Variants in EPM2A observed in about 807,000 individuals in gnomAD.
EPM2A encodes the protein EPM2A glucan phosphatase, laforin.
EPM2A carries 21 observed loss-of-function variants against 26.5 expected under a neutral mutation model. The ratio of observed to expected loss-of-function variants is 0.79; its 90% CI spans 0.56 to 1.14. The LOEUF (loss-of-function observed/expected upper bound fraction) is 1.14, where lower values mean the gene tolerates loss of function less well. EPM2A is among the 50% of genes most tolerant of loss of function. EPM2A has a pLI of 0.00. For missense variants in EPM2A, 458 were observed against 440.8 expected, an observed-to-expected ratio of 1.04 and a Z score of -0.35; for synonymous variants, 217 against 177.6, an observed-to-expected ratio of 1.22 and a Z score of -1.76.
intron 4 of EPM2A, among the ~76,000 whole-genome samples, chr6:145,453,738 A>G (rs1262337894): frequency 6.6e-6 from 1 of 152,212 alleles, no homozygotes; most frequent in Non-Finnish European, 1.5e-5. Flanking sequence ...ATATGGCTTC[A>G]TAATTATTAC....
At chr6:145,599,445 T>G (rs905608874) in intron 2 of EPM2A, among the ~76,000 whole-genome samples, 7 of 152,014 alleles carry the variant, frequency 4.6e-5, no homozygotes, top group African/African-American at 1.4e-4. Flanking sequence ...GTGGAAGACT[T>G]CTTTAACTTT....
intron 1 of EPM2A, among the ~76,000 whole-genome samples, chr6:145,720,041 C>A (rs1775868956): frequency 6.6e-6 from 1 of 152,148 alleles, no homozygotes; most frequent in African/African-American, 2.4e-5. Flanking sequence ...TATCTCTCAA[C>A]ATTTCTCATC....
chr6:145,688,875 T>C (rs1314136851), intron 1 of EPM2A, among the ~76,000 whole-genome samples: 1 of 152,044 alleles, frequency 6.6e-6, no homozygotes, highest in Non-Finnish European at 1.5e-5. Context: ...TTCTAGGAAA[T>C]GGAATTGGAT....
chr6:145,587,893 T>A (rs543859110), intron 2 of EPM2A, among the ~76,000 whole-genome samples: 3 of 152,304 alleles, frequency 2.0e-5, no homozygotes, highest in East Asian at 3.9e-4. Context: ...ACTCAACTGA[T>A]GAGATTTGGA....
intron 2 of EPM2A, among the ~76,000 whole-genome samples, chr6:145,528,609 T>C (rs574913701): frequency 3.3e-5 from 5 of 152,284 alleles, no homozygotes; most frequent in South Asian, 2.1e-4. Context: ...GAAAAAAATA[T>C]ATATTTCTTT....
At chr6:145,463,684 G>A (rs1779353714) in intron 4 of EPM2A, among the ~76,000 whole-genome samples, 1 of 151,940 alleles carries the variant, frequency 6.6e-6, no homozygotes, top group Non-Finnish European at 1.5e-5. Context: ...GGATGTGTAG[G>A]TTGAGTGTAG....
chr6:145,627,665 C>G lies in EPM2A; in HGVS notation c.747G>C (p.Val249=). The change falls in exon 4 of 4, where the codon GTG becomes GTC. Residue 249 remains valine, a synonymous_variant. Coordinates refer to ENST00000367519, the MANE Select transcript of EPM2A (RefSeq NM_005670.4). ...EGRVQMLPQA[V]CLLHALLEKG... ...TCTCCAGCAGCGCATGCAGCAGGCACACCGCCTGGGGCAGCATCTGTACTC... is the reference window on the plus strand; with the variant it reads ...TCTCCAGCAGCGCATGCAGCAGGCAGACCGCCTGGGGCAGCATCTGTACTC... 6.2e-7 allele frequency: 1 copy of G among 1,614,190 alleles called. No homozygotes were observed. Among genetic ancestry groups the G allele is most frequent in the Non-Finnish European group, 8.5e-7 (1 of 1,180,016 alleles).
intron 2 of EPM2A, among the ~76,000 whole-genome samples, chr6:145,518,499 T>TC (rs1780159530): frequency 6.6e-6 from 1 of 151,222 alleles, no homozygotes; most frequent in Non-Finnish European, 1.5e-5. Context: ...TACTTTCAGC[T>TC]CTTGCTTTGC....
rs563875151 is a variant in EPM2A at position 145,735,318 on chromosome 6, G to C, written c.181C>G (p.Leu61Val). The change falls in exon 1 of 4, where the codon CTC becomes GTC. Residue 61 changes from leucine (L) to valine (V), a missense_variant. Leu to Val is a conservative substitution (Grantham distance 32). Transcript: ENST00000367519. ...ALALQEPGLW[L>V]GEVELAAEEA... ...TCGGCCGCCAGCTCCACCTCCCCGA[G>C]CCACAGGCCCGGCTCCTGCAGGGCC... 12 of 1,308,438 alleles carry C rather than the reference G, an allele frequency of 9.2e-6. No individual in the cohort carries two copies. Among genetic ancestry groups the C allele is most frequent in the South Asian group, 1.3e-5 (1 of 76,922 alleles). The allele number at this position is 1,308,438 out of a possible 1,614,324, so 81.1% of individuals were successfully genotyped here.
intron 2 of EPM2A, among the ~76,000 whole-genome samples, chr6:145,554,629 C>T (rs559527968): frequency 6.6e-6 from 1 of 152,044 alleles, no homozygotes; most frequent in African/African-American, 2.4e-5. Flanking sequence ...GCAGCCAGTT[C>T]TGGCAAGGGC....
downstream of EPM2A, among the ~76,000 whole-genome samples, chr6:145,621,145 A>C (rs1468070176): frequency 2.0e-5 from 3 of 152,236 alleles, no homozygotes; most frequent in African/African-American, 7.2e-5. Flanking sequence ...TCACTGTTAC[A>C]TGAATTTGGC....
At chr6:145,465,181 T>C (rs978828511) in intron 4 of EPM2A, among the ~76,000 whole-genome samples, 2 of 152,050 alleles carry the variant, frequency 1.3e-5, no homozygotes. Context: ...TTTCTTTTTA[T>C]TCTTTTTTCT....
chr6:145,544,585 C>T (rs1277831194), intron 2 of EPM2A, among the ~76,000 whole-genome samples: 1 of 152,120 alleles, frequency 6.6e-6, no homozygotes, highest in African/African-American at 2.4e-5. Flanking sequence ...ACATCCTGTA[C>T]TAAAATATTA....
intron 1 of EPM2A, among the ~76,000 whole-genome samples, chr6:145,717,149 G>A (rs1775676028): frequency 6.6e-6 from 1 of 152,094 alleles, no homozygotes; most frequent in South Asian, 2.1e-4. Context: ...CCAAAGCCGG[G>A]CAGAGACACA....
intron 2 of EPM2A, among the ~76,000 whole-genome samples, chr6:145,600,434 C>T (rs763396569): frequency 7.3e-4 from 111 of 152,280 alleles, no homozygotes; most frequent in Middle Eastern, 3.4e-3. Context: ...ACTGTTAATC[C>T]GCCTAAAGTG....
At chr6:145,727,364 T>C (rs772041913) in intron 1 of EPM2A, among the ~76,000 whole-genome samples, 8 of 152,140 alleles carry the variant, frequency 5.3e-5, no homozygotes, top group Non-Finnish European at 8.8e-5. Flanking sequence ...TTTCACTGGA[T>C]GGGATTCATA....
At chr6:145,679,002 A>G (rs1780288390) in intron 2 of EPM2A, among the ~76,000 whole-genome samples, 1 of 152,166 alleles carries the variant, frequency 6.6e-6, no homozygotes, top group African/African-American at 2.4e-5. Context: ...AACCAACCCA[A>G]ATGTCCATCA....
At chr6:145,727,996 G>C (rs576318323) in intron 1 of EPM2A, among the ~76,000 whole-genome samples, 13 of 152,248 alleles carry the variant, frequency 8.5e-5, no homozygotes, top group African/African-American at 3.1e-4. Flanking sequence ...TTGTTTAAAA[G>C]TGTGTAGCAC....
At chr6:145,501,260 A>T (rs1450049273), downstream of EPM2A, among the ~76,000 whole-genome samples, 1 of 152,228 alleles carries the variant, frequency 6.6e-6, no homozygotes, top group Non-Finnish European at 1.5e-5. Flanking sequence ...CCTGGACAGT[A>T]AAAACTTTGG....
Sources: allele counts gnomAD v4.1 joint callset (sites outside exome capture counted in the v4.1 genomes callset), GRCh38; gene constraint gnomAD v4.1.1; transcripts MANE v1.5; gene names NCBI Gene and HGNC (gene_info 2026-07-23, HGNC 2026-07-21).